NRXN3: variants seen among roughly 807,000 people sequenced by gnomAD.
NRXN3 encodes neurexin III.
NRXN3 carries 32 observed loss-of-function variants against 137.6 expected under a neutral mutation model. That is an observed-to-expected ratio of 0.23 (90% CI 0.18 to 0.31). The LOEUF (loss-of-function observed/expected upper bound fraction) is 0.31, where lower values mean the gene tolerates loss of function less well. NRXN3 is among the 10% of genes least tolerant of loss of function. NRXN3 has a pLI of 1.00. For synonymous variants in NRXN3, 798 were observed against 784.5 expected (o/e 1.02, Z -0.29); for missense variants, 1,574 against 2,062.5 (o/e 0.76, Z 4.59).
At chr14:79,261,113 G>T (rs1267034567) in intron 15 of NRXN3, among the ~76,000 whole-genome samples, 1 of 152,176 alleles carries the variant, frequency 6.6e-6, no homozygotes, top group Non-Finnish European at 1.5e-5. Context: ...TGCTGGGAAG[G>T]GGTGAGGAGG....
intron 15 of NRXN3, among the ~76,000 whole-genome samples, chr14:79,114,922 G>T (rs1023704540): frequency 2.6e-5 from 4 of 152,062 alleles, no homozygotes; most frequent in Non-Finnish European, 5.9e-5. Flanking sequence ...CTCTGGAAAT[G>T]ACTCCCAGAG....
intron 19 of NRXN3, among the ~76,000 whole-genome samples, chr14:79,787,520 G>C (rs1245741333): frequency 1.3e-5 from 2 of 152,224 alleles, no homozygotes; most frequent in Non-Finnish European, 2.9e-5. Flanking sequence ...AAACTTTGTA[G>C]TCTTCAACCA....
At chr14:79,578,340 C>T (rs1253938495) in intron 16 of NRXN3, among the ~76,000 whole-genome samples, 1 of 152,148 alleles carries the variant, frequency 6.6e-6, no homozygotes, top group African/African-American at 2.4e-5. Context: ...GACAACAGAG[C>T]TCTCCTAAGC....
intron 10 of NRXN3, among the ~76,000 whole-genome samples, chr14:78,846,552 A>G (rs905969857): frequency 1.3e-5 from 2 of 152,098 alleles, no homozygotes; most frequent in African/African-American, 2.4e-5. Flanking sequence ...TTGCTCATAA[A>G]CAGGTGGTTA....
At chr14:79,583,466 G>C (rs7154599) in intron 16 of NRXN3, among the ~76,000 whole-genome samples, 17,746 of 151,942 alleles carry the variant, frequency 0.12, 1,168 homozygotes, top group Middle Eastern at 0.23. Flanking sequence ...TTGTGAGCAC[G>C]ATCTTCTCTT....
chr14:79,173,561 A>C (rs555636798), intron 15 of NRXN3, among the ~76,000 whole-genome samples: 1 of 151,806 alleles, frequency 6.6e-6, no homozygotes, highest in Admixed American at 6.6e-5. Flanking sequence ...AAATTACAAT[A>C]AAAGATATCA....
At chr14:78,283,379 T>C (rs1478260713) in intron 3 of NRXN3, 1 of 152,202 alleles carries the variant, frequency 6.6e-6, no homozygotes. Context: ...TTTAAATGGC[T>C]GGGAACAGTC....
intron 15 of NRXN3, among the ~76,000 whole-genome samples, chr14:79,053,288 A>T (rs1157026268): frequency 6.6e-6 from 1 of 152,220 alleles, no homozygotes; most frequent in Non-Finnish European, 1.5e-5. Flanking sequence ...TCTTCTAATA[A>T]GCCTATAAGG....
intron 4 of NRXN3, among the ~76,000 whole-genome samples, chr14:78,551,233 C>G (rs1004120795): frequency 6.6e-6 from 1 of 152,164 alleles, no homozygotes; most frequent in South Asian, 2.1e-4. Flanking sequence ...GCTGAAGGAT[C>G]AAGACTTGCT....
At chr14:78,636,775 T>C (rs1230827752) in intron 4 of NRXN3, among the ~76,000 whole-genome samples, 2 of 152,232 alleles carry the variant, frequency 1.3e-5, no homozygotes, top group African/African-American at 4.8e-5. Context: ...TTATTGTAAG[T>C]GGGAAGACAG....
intron 15 of NRXN3, among the ~76,000 whole-genome samples, chr14:79,266,314 T>C (rs1218640342): frequency 6.6e-6 from 1 of 152,124 alleles, no homozygotes; most frequent in East Asian, 1.9e-4. Context: ...ATTTTTTTCA[T>C]GACTTTTCAA....
chr14:79,688,958 G>A (rs1208763054), intron 17 of NRXN3, among the ~76,000 whole-genome samples: 2 of 152,054 alleles, frequency 1.3e-5, no homozygotes, highest in Non-Finnish European at 2.9e-5. Flanking sequence ...TCCCATATAG[G>A]TGTCGGATCC....
chr14:79,220,399 T>C (rs953361772), intron 15 of NRXN3, among the ~76,000 whole-genome samples: 1 of 151,772 alleles, frequency 6.6e-6, no homozygotes, highest in Admixed American at 6.6e-5. Flanking sequence ...GCTTCCCCCA[T>C]CAGGAGCATT....
chr14:78,908,901 T>C (rs2152771823), intron 10 of NRXN3, among the ~76,000 whole-genome samples: 1 of 152,214 alleles, frequency 6.6e-6, no homozygotes, highest in South Asian at 2.1e-4. Flanking sequence ...AACAAGAAGA[T>C]CTTAAAGATG....
At position 78,770,442 on chromosome 14, in the gene NRXN3, C is replaced by T. The variant is rs1273446405; in HGVS notation, c.2045-33178C>T. Among the ~76,000 whole-genome samples, 4 of 152,186 alleles carry T rather than the reference C, an allele frequency of 2.6e-5. No individual in the cohort carries two copies. In the South Asian group the frequency reaches 6.3e-4, roughly 24 times the overall value. ...GGGGATTTTCAAAGATAATGGTGTCCACTGGAGGGAAATATATCTTGGAGC... is the reference window on the plus strand; with the variant it reads ...GGGGATTTTCAAAGATAATGGTGTCTACTGGAGGGAAATATATCTTGGAGC... On this transcript the variant is annotated intron_variant, in intron 8 of 20. Coordinates refer to ENST00000335750, the MANE Select transcript of NRXN3 (RefSeq NM_001330195.2).
chr14:79,222,058 G>A (rs998147311), intron 15 of NRXN3, among the ~76,000 whole-genome samples: 1 of 152,048 alleles, frequency 6.6e-6, no homozygotes, highest in Non-Finnish European at 1.5e-5. Context: ...AAGATCAGAT[G>A]GTTTTAGATG....
At chr14:78,969,556 C>T (rs2099430021) in intron 14 of NRXN3, among the ~76,000 whole-genome samples, 1 of 152,138 alleles carries the variant, frequency 6.6e-6, no homozygotes, top group Admixed American at 6.5e-5. Flanking sequence ...CTTCTGTGTT[C>T]AACTTCATGT....
In NRXN3 at chr14:79,525,028, G is replaced by A. The variant is rs148135072; in HGVS notation, c.3444+57626G>A. Among the ~76,000 whole-genome samples, 236 of 152,288 alleles carry A rather than the reference G, an allele frequency of 1.5e-3. 1 individual carries two copies. Among genetic ancestry groups the A allele is most frequent in the African/African-American group, 5.6e-3 (231 of 41,552 alleles). On this transcript the variant is annotated intron_variant, in intron 16 of 20. Coordinates refer to ENST00000335750, the MANE Select transcript of NRXN3 (RefSeq NM_001330195.2). ...TTATGACCTATAATCAAACAAGGTAGTCAGGCAGTTTCTGCGTGGTCAGTT... is the reference window on the plus strand; with the variant it reads ...TTATGACCTATAATCAAACAAGGTAATCAGGCAGTTTCTGCGTGGTCAGTT...
At chr14:78,218,482 C>A (rs559031524) in intron 1 of NRXN3, among the ~76,000 whole-genome samples, 1 of 152,236 alleles carries the variant, frequency 6.6e-6, no homozygotes, top group Admixed American at 6.5e-5. Context: ...AGTCTAGAAA[C>A]CTGGCCAGAT....
Sources: gnomAD v4.1 joint callset for allele counts (sites outside exome capture counted in the v4.1 genomes callset) on GRCh38, gnomAD v4.1.1 for gene constraint, MANE v1.5 for transcripts, NCBI Gene and HGNC (gene_info 2026-07-23, HGNC 2026-07-21) for gene names.